NEDD4L: variants seen among roughly 807,000 people sequenced by gnomAD.
The protein encoded by NEDD4L is E3 ubiquitin-protein ligase NEDD4-like.
A neutral mutation model predicts 148.9 loss-of-function variants in NEDD4L; 54 were observed. That is an observed-to-expected ratio of 0.36 (90% CI 0.29 to 0.45). NEDD4L has a LOEUF of 0.45. NEDD4L is among the 20% of genes least tolerant of loss of function. The pLI, the probability that NEDD4L is intolerant of heterozygous loss-of-function variation, is 1.00. For missense variants in NEDD4L, 856 were observed against 1,233.8 expected, an observed-to-expected ratio of 0.69 and a Z score of 4.59; for synonymous variants, 433 against 440.7, an observed-to-expected ratio of 0.98 and a Z score of 0.22.
chr18:58,293,555 G>A (rs373105701), intron 5 of NEDD4L, among the ~76,000 whole-genome samples: 58 of 152,114 alleles, frequency 3.8e-4, no homozygotes, highest in African/African-American at 1.4e-3. Context: ...TCAACCATGC[G>A]CTATGATCAT....
chr18:58,365,523 A>G (rs2046001361), intron 20 of NEDD4L, among the ~76,000 whole-genome samples: 1 of 152,154 alleles, frequency 6.6e-6, no homozygotes, highest in African/African-American at 2.4e-5. Flanking sequence ...CCCACTCCCC[A>G]TGGCAACAAA....
intron 1 of NEDD4L, among the ~76,000 whole-genome samples, chr18:58,080,302 A>G (rs559371454): frequency 1.2e-4 from 19 of 152,360 alleles, no homozygotes. Flanking sequence ...GCAGTTTCAC[A>G]CGAGCGTCTC....
chr18:58,052,506 T>G (rs4542741), intron 1 of NEDD4L, among the ~76,000 whole-genome samples: 137,448 of 152,160 alleles, frequency 0.9, 62,160 homozygotes, highest in East Asian at 1. Flanking sequence ...AAGTTAAATG[T>G]CAAGGCTCTC....
intron 3 of NEDD4L, chr18:58,247,226 C>A (rs991088061): frequency 6.6e-6 from 1 of 152,156 alleles, no homozygotes; most frequent in Admixed American, 6.5e-5. Context: ...ATGCAGGCAC[C>A]CAGGATGCAG....
chr18:58,175,355 C>A (rs567977445), intron 2 of NEDD4L, among the ~76,000 whole-genome samples: 1 of 152,232 alleles, frequency 6.6e-6, no homozygotes, highest in African/African-American at 2.4e-5. Context: ...CTTGCTGACA[C>A]GTGGCCATGA....
intron 1 of NEDD4L, chr18:58,165,586 TA>T (rs780269925): frequency 2.3e-5 from 22 of 943,630 alleles, no homozygotes; most frequent in African/African-American, 3.6e-5. Context: ...TTGGATGTTC[TA>T]AGTTTCTAGA....
At chr18:58,092,951 C>T (rs1223567401) in intron 1 of NEDD4L, among the ~76,000 whole-genome samples, 1 of 151,384 alleles carries the variant, frequency 6.6e-6, no homozygotes, top group East Asian at 1.9e-4. Context: ...AGCTCCGCCT[C>T]CCAAGTTCAC....
intron 18 of NEDD4L, among the ~76,000 whole-genome samples, chr18:58,356,144 G>A (rs1366905941): frequency 6.6e-6 from 1 of 151,872 alleles, no homozygotes; most frequent in Non-Finnish European, 1.5e-5. Context: ...CTTTTGTAGA[G>A]ATGGGTCCTC....
At chr18:58,367,603 G>C in intron 21 of NEDD4L, 143 bp from the exon 22 acceptor site, 1 of 797,928 alleles carries the variant, frequency 1.3e-6, no homozygotes, top group Non-Finnish European at 2.0e-6. Flanking sequence ...TGGTAAGTCA[G>C]GTCCTCTAGC....
chr18:58,077,852 G>A (rs558923200), intron 1 of NEDD4L, among the ~76,000 whole-genome samples: 12 of 152,254 alleles, frequency 7.9e-5, no homozygotes, highest in African/African-American at 2.9e-4. Flanking sequence ...TGTGCCTCGA[G>A]AGACATTGGA....
chr18:58,212,258 C>CT (rs1232824252), intron 2 of NEDD4L, among the ~76,000 whole-genome samples: 1 of 152,124 alleles, frequency 6.6e-6, no homozygotes, highest in Non-Finnish European at 1.5e-5. Context: ...TCCCATGTAG[C>CT]TGAGACTACA....
intron 2 of NEDD4L, among the ~76,000 whole-genome samples, chr18:58,206,238 A>C (rs2041974222): frequency 1.3e-5 from 2 of 152,006 alleles, no homozygotes; most frequent in African/African-American, 2.4e-5. Flanking sequence ...AAAATACAAA[A>C]ATTAGCCAGG....
chr18:58,244,412 G>T (rs2047002690), intron 2 of NEDD4L, among the ~76,000 whole-genome samples: 1 of 152,050 alleles, frequency 6.6e-6, no homozygotes, highest in Non-Finnish European at 1.5e-5. Flanking sequence ...GCTACCCCAG[G>T]GCTAGCAATA....
At chr18:58,383,940 A>G (rs554769686) in intron 25 of NEDD4L, among the ~76,000 whole-genome samples, 7 of 152,296 alleles carry the variant, frequency 4.6e-5, no homozygotes, top group African/African-American at 1.4e-4. Flanking sequence ...TTTTTAGTGT[A>G]TATGTGTGCT....
In NEDD4L at chr18:58,093,208, C is replaced by G. The variant is rs916926122; in HGVS notation, c.48+48500C>G. Among the ~76,000 whole-genome samples the G allele has an allele frequency of 2.0e-5, 3 of 152,180 alleles. No homozygotes were observed. In the East Asian group the frequency reaches 5.8e-4, roughly 29 times the overall value. ...ATAGGTTCTTTTTGTAGATTGTGAG[C>G]TCTTGGGAGCATGGATTTTGCTAAA... is the stretch of plus-strand genomic sequence containing the variant. On this transcript the variant is annotated intron_variant, in intron 1 of 30. Coordinates refer to ENST00000400345, the MANE Select transcript of NEDD4L (RefSeq NM_001144967.3).
rs1013569748 is a variant in NEDD4L at position 58,401,135 on chromosome 18, GAA to G, written c.*4872_*4873del. 1 of 151,900 alleles carries G rather than the reference GAA, an allele frequency of 6.6e-6. No individual in the cohort carries two copies. Among genetic ancestry groups the G allele is most frequent in the Non-Finnish European group, 1.5e-5 (1 of 67,978 alleles). The allele number at this position is 151,900 out of a possible 1,614,324, so 9.4% of individuals were successfully genotyped here. On this transcript the variant is annotated 3_prime_UTR_variant, in exon 31 of 31. Coordinates refer to ENST00000400345, the MANE Select transcript of NEDD4L (RefSeq NM_001144967.3). Reference sequence around the variant, plus strand: ...CAGGATCTATCATCAAATGAAACATGAAAAAAACAGTGACTTTTAAGGTGAAA... The same window carrying G: ...CAGGATCTATCATCAAATGAAACATGAAAAACAGTGACTTTTAAGGTGAAA...
chr18:58,256,561 G>A lies in NEDD4L; in HGVS notation c.297+4507G>A. On this transcript the variant is annotated intron_variant, in intron 5 of 30. Coordinates refer to ENST00000400345, the MANE Select transcript of NEDD4L (RefSeq NM_001144967.3). The surrounding 1 kb of genome is among the most constrained non-coding windows in gnomAD (Gnocchi z 5.2). ...AAGATCGGGGAGCCCTGGAGGCATC[G>A]CCTCGAGCTGGCAGGATGGCTCCTG... 3.2e-6 allele frequency: 4 copies of A among 1,232,348 alleles called. No homozygotes were observed. The highest frequency in any genetic ancestry group is 3.1e-4 in the Middle Eastern group (1 of 3,208). 76.3% of individuals were successfully genotyped at this position (1,232,348 alleles called of 1,614,324 possible).
At chr18:58,383,206 C>G (rs757296354) in intron 24 of NEDD4L, 40 bp from the exon 25 acceptor site, 2 of 1,022,118 alleles carry the variant, frequency 2.0e-6, no homozygotes, top group Non-Finnish European at 3.0e-6. Flanking sequence ...TGCAAGATAA[C>G]TTCGTGATAG....
intron 2 of NEDD4L, among the ~76,000 whole-genome samples, chr18:58,228,625 G>A (rs2044663751): frequency 6.6e-6 from 1 of 152,322 alleles, no homozygotes; most frequent in South Asian, 2.1e-4. Context: ...TCTCCTCAAG[G>A]TGCTTAATCA....
Sources: gnomAD v4.1 joint callset for allele counts (sites outside exome capture counted in the v4.1 genomes callset) on GRCh38, gnomAD v4.1.1 for gene constraint, Gnocchi (gnomAD v3.1) non-coding constraint, MANE v1.5 for transcripts, NCBI Gene and HGNC (gene_info 2026-07-23, HGNC 2026-07-21) for gene names.